The following FAM13A variants were observed in gnomAD, a reference collection of about 807,000 sequenced individuals.
FAM13A encodes family with sequence similarity 13 member A.
A neutral mutation model predicts 129.6 loss-of-function variants in FAM13A; 76 were observed. That is an observed-to-expected ratio of 0.59 (90% CI 0.49 to 0.71). The LOEUF is 0.71. Among genes scored for constraint, FAM13A ranks in the 30% least tolerant of loss-of-function variants. FAM13A has a pLI of 0.00. For synonymous variants in FAM13A, 443 were observed against 449.9 expected, an observed-to-expected ratio of 0.98 and a Z score of 0.20; for missense variants, 1,108 against 1,249.3, an observed-to-expected ratio of 0.89 and a Z score of 1.70.
chr4:88,782,737 T>G (rs1302002544), intron 10 of FAM13A, among the ~76,000 whole-genome samples: 5 of 152,142 alleles, frequency 3.3e-5, no homozygotes, highest in African/African-American at 1.2e-4. Context: ...TTATAAGAGA[T>G]ATTCTAAGTA....
intron 11 of FAM13A, among the ~76,000 whole-genome samples, chr4:88,773,352 C>A (rs1401528973): frequency 2.0e-5 from 3 of 152,164 alleles, no homozygotes; most frequent in Non-Finnish European, 4.4e-5. Flanking sequence ...CTCATTTCCT[C>A]TTAGGTTTTC....
chr4:88,949,134 CAATGAT>C (rs1437279659), intron 4 of FAM13A, among the ~76,000 whole-genome samples: 8 of 152,122 alleles, frequency 5.3e-5, no homozygotes, highest in Non-Finnish European at 8.8e-5. Context: ...ACCTTTGTTT[CAATGAT>C]GACGTTTATG....
chr4:89,005,423 T>C (rs1764869005), intron 3 of FAM13A, among the ~76,000 whole-genome samples: 1 of 152,206 alleles, frequency 6.6e-6, no homozygotes, highest in Non-Finnish European at 1.5e-5. Context: ...TTGCTCTGGG[T>C]ATATACCTAG....
intron 8 of FAM13A, among the ~76,000 whole-genome samples, chr4:88,802,971 A>G (rs1007208144): frequency 1.3e-5 from 2 of 152,168 alleles, no homozygotes; most frequent in African/African-American, 4.8e-5. Flanking sequence ...GTCCACTCAC[A>G]GACTTGTAGC....
At chr4:88,936,434 G>C (rs2148807228) in intron 5 of FAM13A, 1 of 152,302 alleles carries the variant, frequency 6.6e-6, no homozygotes, top group East Asian at 1.9e-4. Flanking sequence ...GAGTGAGGGG[G>C]GGAAGTGCCA....
intron 6 of FAM13A, among the ~76,000 whole-genome samples, chr4:88,885,805 T>G (rs1224227239): frequency 8.4e-6 from 1 of 118,664 alleles, no homozygotes; most frequent in African/African-American, 3.1e-5. Context: ...CCAAACAAAT[T>G]AGCAAAAAAA....
intron 3 of FAM13A, among the ~76,000 whole-genome samples, chr4:89,008,401 G>A (rs1489573259): frequency 6.6e-6 from 1 of 152,152 alleles, no homozygotes; most frequent in East Asian, 1.9e-4. Flanking sequence ...GCTACGTGAG[G>A]ACACAGCAAG....
At chr4:89,054,343 T>A (rs1165698433) in intron 1 of FAM13A, among the ~76,000 whole-genome samples, 3 of 151,816 alleles carry the variant, frequency 2.0e-5, no homozygotes, top group Admixed American at 2.0e-4. Context: ...TATCTAGTAC[T>A]CATTATACTG....
chr4:88,886,832 G>A (rs527498694), intron 6 of FAM13A, among the ~76,000 whole-genome samples: 59 of 151,586 alleles, frequency 3.9e-4, no homozygotes, highest in African/African-American at 1.4e-3. Context: ...ACTTGAACCC[G>A]GGAGGTGGAG....
chr4:88,740,916 G>T (rs557171608), intron 19 of FAM13A, among the ~76,000 whole-genome samples: 1 of 152,120 alleles, frequency 6.6e-6, no homozygotes, highest in South Asian at 2.1e-4. Context: ...AACAATGACT[G>T]TCAAAACTAG....
chr4:88,866,835 T>C (rs1461749719), intron 6 of FAM13A, among the ~76,000 whole-genome samples: 1 of 152,208 alleles, frequency 6.6e-6, no homozygotes, highest in Non-Finnish European at 1.5e-5. Flanking sequence ...TGAAAATGTG[T>C]GGAGACTTTA....
chr4:89,045,000 G>T (rs1036671445), intron 1 of FAM13A, among the ~76,000 whole-genome samples: 2 of 152,076 alleles, frequency 1.3e-5, no homozygotes, highest in Non-Finnish European at 2.9e-5. Context: ...ATGGATAGTG[G>T]TAGTGATGCA....
At chr4:88,959,564 C>T (rs573794593) in intron 4 of FAM13A, among the ~76,000 whole-genome samples, 65 of 152,336 alleles carry the variant, frequency 4.3e-4, no homozygotes, top group Non-Finnish European at 6.6e-4. Flanking sequence ...TTTCCTGAGG[C>T]TTCCCGAGAA....
intron 7 of FAM13A, among the ~76,000 whole-genome samples, chr4:88,826,140 T>A (rs1027247415): frequency 1.3e-5 from 2 of 152,098 alleles, no homozygotes; most frequent in Non-Finnish European, 2.9e-5. Flanking sequence ...CAACTGCATT[T>A]CCCTGGCTAC....
chr4:88,935,334 T>A lies in FAM13A; in HGVS notation c.759+2754A>T, dbSNP rs371594083. Among the ~76,000 whole-genome samples the A allele has an allele frequency of 1.8e-4, 28 of 152,346 alleles. 2 individuals carry two copies. The highest frequency in any genetic ancestry group is 6.7e-4 in the African/African-American group (28 of 41,586). On this transcript the variant is annotated intron_variant, in intron 5 of 23. Coordinates refer to ENST00000264344, the MANE Select transcript of FAM13A (RefSeq NM_014883.4). ...ATAAGAAACTTCATTCAACACTTTA[T>A]GACTCTGTTCTCCAAACTGGGATAT...
chr4:88,997,837 T>C (rs773800747), intron 3 of FAM13A, among the ~76,000 whole-genome samples: 46 of 152,258 alleles, frequency 3.0e-4, no homozygotes, highest in Admixed American at 5.9e-4. Flanking sequence ...TGGTGCCAGA[T>C]TTGTCAAAGT....
intron 8 of FAM13A, among the ~76,000 whole-genome samples, chr4:88,790,980 C>A (rs1725020521): frequency 6.6e-6 from 1 of 152,088 alleles, no homozygotes; most frequent in Non-Finnish European, 1.5e-5. Flanking sequence ...TGCCTTCCTG[C>A]CACCTACTTC....
chr4:88,747,597 G>A (rs1341367930), intron 18 of FAM13A, 34 bp downstream of exon 18: 5 of 1,558,444 alleles, frequency 3.2e-6, no homozygotes, highest in South Asian at 1.1e-5. Flanking sequence ...GACTGCAATG[G>A]CTTAGGGCTT....
chr4:88,743,814 T>C (rs538321301), intron 19 of FAM13A, among the ~76,000 whole-genome samples: 5 of 152,292 alleles, frequency 3.3e-5, no homozygotes, highest in East Asian at 3.9e-4. Context: ...AACAGTGTCA[T>C]AGAAACACAA....
Sources: gnomAD v4.1 joint callset for allele counts (sites outside exome capture counted in the v4.1 genomes callset) on GRCh38, gnomAD v4.1.1 for gene constraint, MANE v1.5 for transcripts, NCBI Gene and HGNC (gene_info 2026-07-23, HGNC 2026-07-21) for gene names.